ORC3: variants seen among roughly 807,000 people sequenced by gnomAD.
The protein encoded by ORC3 is origin recognition complex subunit 3.
ORC3 carries 78 observed loss-of-function variants against 100.7 expected under a neutral mutation model. The ratio of observed to expected loss-of-function variants is 0.77; its 90% CI spans 0.65 to 0.94. The LOEUF is 0.94. ORC3 is among the 40% of genes least tolerant of loss of function. The probability of loss-of-function intolerance (pLI) is 0.00; values close to 1 mark genes in which losing one functional copy is unlikely to be tolerated. For missense variants in ORC3, 789 were observed against 823.9 expected, an observed-to-expected ratio of 0.96 and a Z score of 0.52; for synonymous variants, 295 against 289.3, an observed-to-expected ratio of 1.02 and a Z score of -0.20.
At chr6:87,641,244 G>A (rs1336454659) in intron 13 of ORC3, among the ~76,000 whole-genome samples, 1 of 152,096 alleles carries the variant, frequency 6.6e-6, no homozygotes. Context: ...ACTTCTTAGG[G>A]GAATTTATGT....
chr6:87,606,595 A>G (rs1583023031), intron 5 of ORC3, among the ~76,000 whole-genome samples: 1 of 151,706 alleles, frequency 6.6e-6, no homozygotes, highest in Non-Finnish European at 1.5e-5. Context: ...CAGTAGCATG[A>G]TCATAGCTCA....
At chr6:87,600,939 A>G (rs533940652) in intron 2 of ORC3, among the ~76,000 whole-genome samples, 1 of 152,382 alleles carries the variant, frequency 6.6e-6, no homozygotes, top group Admixed American at 6.5e-5. Flanking sequence ...TTATAGTTTG[A>G]AAAGTTTGAA....
At chr6:87,658,466 A>AC (rs1343036400) in intron 16 of ORC3, among the ~76,000 whole-genome samples, 1 of 152,034 alleles carries the variant, frequency 6.6e-6, no homozygotes, top group Non-Finnish European at 1.5e-5. Flanking sequence ...CAAAAAAAAA[A>AC]AAAAGAATTG....
At chr6:87,591,417 A>C (rs756012756) in intron 1 of ORC3, among the ~76,000 whole-genome samples, 1 of 152,240 alleles carries the variant, frequency 6.6e-6, no homozygotes, top group Non-Finnish European at 1.5e-5. Context: ...TAAAGACTAC[A>C]TCTCAAGGAA....
intron 11 of ORC3, among the ~76,000 whole-genome samples, chr6:87,634,496 C>T (rs1443410541): frequency 6.6e-6 from 1 of 152,216 alleles, no homozygotes; most frequent in African/African-American, 2.4e-5. Context: ...AGCACCTTCC[C>T]TTGCTGTGGC....
chr6:87,597,318 G>A (rs909627631), intron 2 of ORC3, among the ~76,000 whole-genome samples: 20 of 152,102 alleles, frequency 1.3e-4, no homozygotes, highest in African/African-American at 4.1e-4. Flanking sequence ...TTTTCCACTT[G>A]TGGCATCATG....
Position 87,601,803 on chromosome 6 carries a change from G to A in ORC3, c.99G>A (p.Gly33=). 6.2e-7 allele frequency: 1 copy of A among 1,605,722 alleles called. No homozygotes were observed. The highest frequency in any genetic ancestry group is 1.3e-5 in the African/African-American group (1 of 74,850). ...TTTTAGAGGACTATTTTAACAAAGG[G>A]AAAAATGAGCCTGAGGACAGTAAGC... is the stretch of plus-strand genomic sequence containing the variant. The part of the protein sequence containing the change: ...SLPIEDYFNK[G]KNEPEDSKLR... Residue 33 remains glycine (G), a synonymous_variant, in exon 3 of 20, where the codon GGG becomes GGA. Coordinates refer to ENST00000392844, the MANE Select transcript of ORC3 (RefSeq NM_012381.4).
chr6:87,628,420 G>A (rs2128272500), intron 11 of ORC3, among the ~76,000 whole-genome samples: 1 of 152,334 alleles, frequency 6.6e-6, no homozygotes, highest in South Asian at 2.1e-4. Context: ...GACATTAGAA[G>A]ACCTGGTACA....
rs189864690 is a variant in ORC3 at position 87,647,966 on chromosome 6, G to A, written c.1383-5150G>A. On this transcript the variant is annotated intron_variant, in intron 13 of 19. Transcript: ENST00000392844. ...TGTAATCCCAGCACTTTGGGAGGCC[G>A]AGGCAGGCAGATCACTTGAGGCCAG... is the stretch of plus-strand genomic sequence containing the variant. Among the ~76,000 whole-genome samples the A allele has an allele frequency of 5.9e-5, 9 of 152,292 alleles. No homozygotes were observed. The East Asian group carries it at 1.2e-3, about 20-fold the overall frequency.
intron 3 of ORC3, among the ~76,000 whole-genome samples, chr6:87,602,445 G>T (rs1442794402): frequency 6.6e-6 from 1 of 151,650 alleles, no homozygotes; most frequent in Non-Finnish European, 1.5e-5. Flanking sequence ...GTAGCTCTAG[G>T]GCCAGCATTT....
intron 11 of ORC3, among the ~76,000 whole-genome samples, chr6:87,622,276 A>C (rs1192084966): frequency 1.3e-5 from 2 of 152,070 alleles, no homozygotes; most frequent in Non-Finnish European, 2.9e-5. Context: ...GCACCTTTAG[A>C]TCTATAGAGA....
At chr6:87,674,357 ATGTG>A in the ORC3 span, among the ~76,000 whole-genome samples, 1 of 151,248 alleles carries the variant, frequency 6.6e-6, no homozygotes, top group East Asian at 1.9e-4. Flanking sequence ...TCAGTTATAA[ATGTG>A]TATTTAAGAT....
chr6:87,674,979 A>C, the ORC3 span: 1 of 146,482 alleles, frequency 6.8e-6, no homozygotes, highest in Admixed American at 7.2e-5. Flanking sequence ...AAGGGCAGTA[A>C]AACAATGATA....
intron 13 of ORC3, among the ~76,000 whole-genome samples, chr6:87,643,013 A>C (rs772036122): frequency 3.3e-5 from 5 of 152,226 alleles, no homozygotes; most frequent in African/African-American, 1.2e-4. Context: ...CTGAATTTGC[A>C]TCACATTAGG....
intron 1 of ORC3, among the ~76,000 whole-genome samples, chr6:87,593,157 G>A (rs958833850): frequency 1.3e-5 from 2 of 152,102 alleles, no homozygotes; most frequent in African/African-American, 4.8e-5. Flanking sequence ...TTTAGAATTG[G>A]TAGAATAGAC....
intron 14 of ORC3, among the ~76,000 whole-genome samples, chr6:87,655,670 T>A (rs914171989): frequency 6.6e-5 from 10 of 151,226 alleles, no homozygotes; most frequent in South Asian, 6.3e-4. Flanking sequence ...ATTATTATTT[T>A]TTTTTTTTTT....
intron 11 of ORC3, 114 bp from the exon 12 acceptor site, chr6:87,634,731 T>A: frequency 1.7e-6 from 1 of 572,664 alleles, no homozygotes; most frequent in Non-Finnish European, 3.0e-6. Flanking sequence ...AATTAATTTG[T>A]AGTTTTGAAT....
intron 9 of ORC3, among the ~76,000 whole-genome samples, chr6:87,617,344 A>G (rs993263757): frequency 6.6e-6 from 1 of 152,110 alleles, no homozygotes; most frequent in East Asian, 1.9e-4. Flanking sequence ...AAAGATCCCC[A>G]TTCTCCAGTT....
the ORC3 span, chr6:87,675,637 A>G: frequency 6.2e-7 from 1 of 1,612,740 alleles, no homozygotes; most frequent in Non-Finnish European, 8.5e-7. Context: ...AAATTAGTGC[A>G]AAATACAGGT....
Sources: gnomAD v4.1 joint callset for allele counts (sites outside exome capture counted in the v4.1 genomes callset) on GRCh38, gnomAD v4.1.1 for gene constraint, MANE v1.5 for transcripts, NCBI Gene and HGNC (gene_info 2026-07-23, HGNC 2026-07-21) for gene names.